Variants in TNFSF14 observed in about 807,000 individuals in gnomAD.
TNFSF14 encodes the protein tumor necrosis factor ligand superfamily member 14.
TNFSF14 carries 15 observed loss-of-function variants against 22.7 expected under a neutral mutation model. The ratio of observed to expected loss-of-function variants is 0.66; its 90% CI spans 0.44 to 1.02. The LOEUF (loss-of-function observed/expected upper bound fraction) is 1.02. Among genes scored for constraint, TNFSF14 ranks in the 50% least tolerant of loss-of-function variants. The pLI is 0.00. For synonymous variants in TNFSF14, 133 were observed against 139.6 expected (o/e 0.95, Z 0.33); for missense variants, 287 against 326.2 (o/e 0.88, Z 0.93).
chr19:6,666,059 G>A (rs1343398050), intron 3 of TNFSF14, among the ~76,000 whole-genome samples: 7 of 152,028 alleles, frequency 4.6e-5, no homozygotes, highest in Non-Finnish European at 1.5e-5. Flanking sequence ...TTTGCAGGTG[G>A]GGAAACTGAG....
Position 6,664,448 on chromosome 19 carries a change from C to T in TNFSF14, c.*478G>A, listed in dbSNP as rs1043978552. 2 of 154,144 alleles carry T rather than the reference C, an allele frequency of 1.3e-5. No individual in the cohort carries two copies. Among genetic ancestry groups the T allele is most frequent in the Non-Finnish European group, 2.9e-5 (2 of 69,206 alleles). The allele number at this position is 154,144 out of a possible 1,614,324, so 9.5% of individuals were successfully genotyped here. On this transcript the variant is annotated 3_prime_UTR_variant, in exon 4 of 4. Transcript: ENST00000675206. The surrounding 1 kb of genome is among the most constrained non-coding windows in gnomAD (Gnocchi z 4.7). Reference sequence around the variant, plus strand: ...CTGAAGGTGCCTGCTGGGGCTTCATCTCGCCTTGGTGGTGCCCACTGAGCT... The same window carrying T: ...CTGAAGGTGCCTGCTGGGGCTTCATTTCGCCTTGGTGGTGCCCACTGAGCT...
intron 3 of TNFSF14, among the ~76,000 whole-genome samples, chr19:6,666,080 G>T (rs886452144): frequency 1.3e-5 from 2 of 152,050 alleles, no homozygotes; most frequent in Admixed American, 6.6e-5. Context: ...GCATGGAACC[G>T]TTAAGTGATT....
chr19:6,668,395 ATAAG>A (rs1185030845), intron 1 of TNFSF14, among the ~76,000 whole-genome samples: 6 of 151,974 alleles, frequency 3.9e-5, no homozygotes, highest in African/African-American at 1.4e-4. Flanking sequence ...AATTAAATAA[ATAAG>A]TAATATTTAA....
Position 6,667,100 on chromosome 19 carries a change from G to A in TNFSF14, c.298+13C>T, listed in dbSNP as rs1917451310. 1 of 1,609,166 alleles carries A rather than the reference G, an allele frequency of 6.2e-7. No individual in the cohort carries two copies. Among genetic ancestry groups the A allele is most frequent in the Admixed American group, 1.7e-5 (1 of 58,850 alleles). ...GACCCCTGCCCCTTGCCAGGATCCA[G>A]GGTCCCTCTCACCTGTGAGATGCGC... On this transcript the variant is annotated intron_variant, in intron 3 of 3. Transcript: ENST00000675206.
intron 1 of TNFSF14, among the ~76,000 whole-genome samples, chr19:6,667,757 T>C (rs1224649860): frequency 1.3e-5 from 2 of 152,210 alleles, no homozygotes; most frequent in African/African-American, 4.8e-5. Context: ...AAAGGTTTAA[T>C]AGGTCGGGTG....
chr19:6,669,814 C>T (rs1468136214), intron 1 of TNFSF14, 37 bp downstream of exon 1: 2 of 1,603,078 alleles, frequency 1.2e-6, no homozygotes, highest in South Asian at 1.1e-5. Flanking sequence ...GAGCCCCCCT[C>T]ACCTCCACCT....
In TNFSF14 at chr19:6,664,987, T is replaced by C. The variant is rs1398463327; in HGVS notation, c.662A>G (p.Asp221Gly). 6.2e-7 allele frequency: 1 copy of C among 1,612,862 alleles called. No homozygotes were observed. The highest frequency in any genetic ancestry group is 8.5e-7 in the Non-Finnish European group (1 of 1,179,236). ...AGEKVVVRVL[D>G]ERLVRLRDGT... ...ATCACGCAGTCGAACCAGGCGTTCA[T>C]CCAGCACACGGACGACCACCTTCTC... Residue 221 changes from aspartate (D) to glycine (G), a missense_variant, in exon 4 of 4, where the codon GAT becomes GGT. Asp to Gly is a moderately conservative substitution (Grantham distance 94). Transcript: ENST00000675206. This position sits in a 1 kb window ranked among gnomAD's most constrained non-coding sequence, Gnocchi z 4.7.
chr19:6,664,896 A>G lies in TNFSF14; in HGVS notation c.*30T>C. On this transcript the variant is annotated 3_prime_UTR_variant, in exon 4 of 4. Transcript: ENST00000675206. This position sits in a 1 kb window ranked among gnomAD's most constrained non-coding sequence, Gnocchi z 4.7. ...ACCCTCTGAGTTCTCCACGTGTCAG[A>G]CCCATGTCCAATGCACCACGCTCCT... The G allele has an allele frequency of 6.4e-7, 1 of 1,552,398 alleles. No homozygotes were observed. The highest frequency in any genetic ancestry group is 8.7e-7 in the Non-Finnish European group (1 of 1,144,258).
chr19:6,669,834 C>G lies in TNFSF14; in HGVS notation c.219+17G>C. 1 of 1,609,468 alleles carries G rather than the reference C, an allele frequency of 6.2e-7. No individual in the cohort carries two copies. Among genetic ancestry groups the G allele is most frequent in the Admixed American group, 1.7e-5 (1 of 60,006 alleles). On this transcript the variant is annotated intron_variant, in intron 1 of 3. Coordinates refer to ENST00000675206, the MANE Select transcript of TNFSF14 (RefSeq NM_001376887.1). ...CCCCTCACCTCCACCTGCTCTCAGC[C>G]CCCCGGTCCCACTCACAGGCAGGCG...
Position 6,670,026 on chromosome 19 carries a change from C to A in TNFSF14, c.44G>T (p.Gly15Val), listed in dbSNP as rs1403193430. The stretch of plus-strand genomic sequence containing the variant: ...CCTCGTGAATGGGATGTCGGTCTGT[C>A]CATCCACCACAAACACTGAGGGCCG... ...VVRPSVFVVD[G>V]QTDIPFTRLG... The change falls in exon 1 of 4, where the codon GGA becomes GTA. Residue 15 changes from glycine (G) to valine (V), a missense_variant. Physicochemically the swap from Gly to Val is moderately radical, Grantham distance 109. Transcript: ENST00000675206. 10 of 1,614,056 alleles carry A rather than the reference C, an allele frequency of 6.2e-6. No homozygotes were observed. The highest frequency in any genetic ancestry group is 6.8e-6 in the Non-Finnish European group (8 of 1,180,040).
chr19:6,662,994 C>A lies in TNFSF14; in HGVS notation c.*1932G>T, dbSNP rs1917285624. The A allele has an allele frequency of 6.6e-6, 1 of 152,162 alleles. No individual in the cohort carries two copies. The highest frequency in any genetic ancestry group is 2.4e-5 in the African/African-American group (1 of 41,418). The allele number at this position is 152,162 out of a possible 1,614,324, so 9.4% of individuals were successfully genotyped here. A position where few individuals can be genotyped will look rare whatever the true frequency, so the allele number is the denominator to read the frequency against. ...GTAGAATGACCTCCATGGGTCATTA[C>A]CTCCATCCCTCTGCCTCTAGGAGCC... On this transcript the variant is annotated 3_prime_UTR_variant, in exon 4 of 4. Transcript: ENST00000675206.
At position 6,663,417 on chromosome 19, in the gene TNFSF14, CATCGTGAT is replaced by C. The variant is rs1337962610; in HGVS notation, c.*1501_*1508del. ...TGTTGTGTGTGTAATGTGTGTTTGT[CATCGTGAT>C]GTTGTGTGTGTAATGTGTGTTTGTC... On this transcript the variant is annotated 3_prime_UTR_variant, in exon 4 of 4. Coordinates refer to ENST00000675206, the MANE Select transcript of TNFSF14 (RefSeq NM_001376887.1). The C allele has an allele frequency of 1.4e-4, 21 of 149,062 alleles. No individual in the cohort carries two copies. The highest frequency in any genetic ancestry group is 1.6e-4 in the Non-Finnish European group (11 of 67,424). The allele number at this position is 149,062 out of a possible 1,614,324, so 9.2% of individuals were successfully genotyped here.
chr19:6,665,107 A>C lies in TNFSF14; in HGVS notation c.542T>G (p.Val181Gly), dbSNP rs764365254. ...CCGTCCGCAGGGTGACTGCTGGCTG[A>C]CCAACAGCTCCAGCTCCTCGGGGTA... is the stretch of plus-strand genomic sequence containing the variant. ...PRYPEELELL[V>G]SQQSPCGRAT... The change falls in exon 4 of 4, where the codon GTC (valine) becomes GGC (glycine). Residue 181 changes from valine to glycine, a missense_variant. Coordinates refer to ENST00000675206, the MANE Select transcript of TNFSF14 (RefSeq NM_001376887.1). 1.1e-5 allele frequency: 18 copies of C among 1,613,900 alleles called. No homozygotes were observed. The highest frequency in any genetic ancestry group is 1.5e-5 in the Non-Finnish European group (18 of 1,179,932).
chr19:6,668,923 C>T (rs745320532), intron 1 of TNFSF14, among the ~76,000 whole-genome samples: 7 of 152,286 alleles, frequency 4.6e-5, no homozygotes, highest in Admixed American at 2.0e-4. Flanking sequence ...GTGAATACAC[C>T]GGCTGCAGCT....
Position 6,665,784 on chromosome 19 carries a change from CGTGTGT to C in TNFSF14, c.299-440_299-435del, listed in dbSNP as rs35598085. The stretch of plus-strand genomic sequence containing the variant: ...GTTTGTGTGTGTGTGTGCATGTGTG[CGTGTGT>C]GTGTGTGTGTGTGTGTGTGTGTGTG... On this transcript the variant is annotated intron_variant, in intron 3 of 3. Transcript: ENST00000675206. Among the ~76,000 whole-genome samples, 1,316 of 140,612 alleles carry C rather than the reference CGTGTGT, an allele frequency of 9.4e-3. 9 individuals are homozygous for C. The highest frequency in any genetic ancestry group is 0.024 in the African/African-American group (905 of 37,800). 92.2% of individuals were successfully genotyped at this position (140,612 alleles called of 152,430 possible).
In TNFSF14 at chr19:6,665,046, G is replaced by A. The variant is rs145049392; in HGVS notation, c.603C>T (p.Ser201=). 316 of 1,614,142 alleles carry A rather than the reference G, an allele frequency of 2.0e-4. 2 individuals are homozygous for A. In the African/African-American group the frequency reaches 3.5e-3, roughly 18 times the overall value. The change falls in exon 4 of 4, where the codon AGC becomes AGT. Residue 201 remains serine, a synonymous_variant. Coordinates refer to ENST00000675206, the MANE Select transcript of TNFSF14 (RefSeq NM_001376887.1). ...TSSSRVWWDS[S]FLGGVVHLEA... ...CCAGGTGTACCACACCACCCAGGAA[G>A]CTGCTGTCCCACCAGACCCGGGAGC...
intron 2 of TNFSF14, 86 bp from the exon 3 acceptor site, chr19:6,667,240 G>C: frequency 6.9e-7 from 1 of 1,455,824 alleles, no homozygotes; most frequent in Non-Finnish European, 9.1e-7. Flanking sequence ...ACACCTCCTG[G>C]AATCAACCCC....
chr19:6,668,961 C>G (rs1077667), intron 1 of TNFSF14, among the ~76,000 whole-genome samples: 1 of 152,052 alleles, frequency 6.6e-6, no homozygotes, highest in Non-Finnish European at 1.5e-5. Context: ...TGTGGGTACA[C>G]GCACATACGT....
upstream of TNFSF14, chr19:6,670,392 C>A: frequency 5.9e-6 from 4 of 676,012 alleles, no homozygotes; most frequent in African/African-American, 1.8e-5. Context: ...TTGGGGCCAC[C>A]AAATATCGAC....
Sources: allele counts gnomAD v4.1 joint callset (sites outside exome capture counted in the v4.1 genomes callset), GRCh38; gene constraint gnomAD v4.1.1; non-coding constraint Gnocchi (gnomAD v3.1); transcripts MANE v1.5; gene names NCBI Gene and HGNC (gene_info 2026-07-23, HGNC 2026-07-21).